Variants in DLG5 observed in about 807,000 individuals in gnomAD.
DLG5 encodes the protein disks large homolog 5.
Under a neutral mutation model 189.8 loss-of-function variants are expected in DLG5, and 48 were observed. That is an observed-to-expected ratio of 0.25 (90% CI 0.20 to 0.32). The LOEUF (loss-of-function observed/expected upper bound fraction) is 0.32, where lower values mean the gene tolerates loss of function less well. DLG5 is among the 10% of genes least tolerant of loss of function. The probability of loss-of-function intolerance (pLI) is 1.00; values close to 1 mark genes in which losing one functional copy is unlikely to be tolerated. For missense variants in DLG5, 2,160 were observed against 2,544.7 expected (o/e 0.85, Z 3.25); for synonymous variants, 1,016 against 1,054.1 (o/e 0.96, Z 0.70).
Position 77,821,867 on chromosome 10 carries a change from G to C in DLG5, c.2617C>G (p.Pro873Ala), listed in dbSNP as rs1842382459. Residue 873 changes from proline to alanine, a missense_variant, in exon 15 of 32, where the codon CCT (proline) becomes GCT (alanine). Around this residue, in one of 5 missense-constraint regions of DLG5, gnomAD observed 754 missense variants for 746.5 expected, o/e 1.01. Coordinates refer to ENST00000372391, the MANE Select transcript of DLG5 (RefSeq NM_004747.4). Reference protein sequence around the residue: ...GSSSFLHKPFPGGPLQVCPQA... With the variant: ...GSSSFLHKPFAGGPLQVCPQA... ...GGGCAGACCTGCAAGGGTCCCCCAG[G>C]GAATGGCTTATGCAGAAAGGAGCTG... The C allele has an allele frequency of 6.8e-6, 11 of 1,614,092 alleles. No homozygotes were observed. Among genetic ancestry groups the C allele is most frequent in the Non-Finnish European group, 9.3e-6 (11 of 1,179,960 alleles).
chr10:77,801,493 G>A lies in DLG5; in HGVS notation c.5164+4172C>T, dbSNP rs1408917711. Among the ~76,000 whole-genome samples the A allele has an allele frequency of 5.9e-5, 9 of 152,112 alleles. No individual in the cohort carries two copies. The South Asian group carries it at 1.0e-3, about 18-fold the overall frequency. On this transcript the variant is annotated intron_variant, in intron 27 of 31. Coordinates refer to ENST00000372391, the MANE Select transcript of DLG5 (RefSeq NM_004747.4). The stretch of plus-strand genomic sequence containing the variant: ...GGTATTGTCGAAGAACAAAAACCCC[G>A]AGGAGAGGCAAGGTCAGCACAGAAG...
chr10:77,882,340 A>T (rs987367419), intron 1 of DLG5, among the ~76,000 whole-genome samples: 1 of 152,210 alleles, frequency 6.6e-6, no homozygotes, highest in African/African-American at 2.4e-5. Flanking sequence ...GTCTTTATAC[A>T]GTCAGTATTT....
In DLG5 at chr10:77,860,579, G is replaced by C. The variant is rs112653754; in HGVS notation, c.374-3687C>G. Among the ~76,000 whole-genome samples the C allele has an allele frequency of 4.8e-3, 725 of 152,286 alleles. 8 individuals are homozygous for C. Among genetic ancestry groups the C allele is most frequent in the African/African-American group, 0.016 (671 of 41,552 alleles). ...GCCTCCCAAAGTGCTGGGATTACAG[G>C]CGTGAGGCACTGCACCCGGCCATGC... On this transcript the variant is annotated intron_variant, in intron 2 of 31. Transcript: ENST00000372391.
chr10:77,798,724 G>A (rs1031586868), intron 27 of DLG5, among the ~76,000 whole-genome samples: 2 of 152,108 alleles, frequency 1.3e-5, no homozygotes, highest in African/African-American at 2.4e-5. Context: ...ATTCTGGATC[G>A]ACTTATCCAC....
At chr10:77,792,648 T>G in intron 31 of DLG5, 105 bp from the exon 32 acceptor site, 1 of 1,060,400 alleles carries the variant, frequency 9.4e-7, no homozygotes, top group Non-Finnish European at 1.4e-6. Context: ...CTGTCTGCTT[T>G]GTGCTCCTTG....
rs1279376644 is a variant in DLG5, at chr10:77,821,640, G to A, written c.2844C>T (p.Pro948=). Reference sequence around the variant, plus strand: ...CTGCCGTGGAGCTGAGCATGGCCTTGGGCCAGGTCCCGCCGCTGTTGGAGC... The same window carrying A: ...CTGCCGTGGAGCTGAGCATGGCCTTAGGCCAGGTCCCGCCGCTGTTGGAGC... The part of the protein sequence containing the change: ...SEGSNSGGTW[P]KAMLSSTAVP... Residue 948 remains proline (P), a synonymous_variant, in exon 15 of 32, where the codon CCC becomes CCT. Coordinates refer to ENST00000372391, the MANE Select transcript of DLG5 (RefSeq NM_004747.4). 2 of 1,612,502 alleles carry A rather than the reference G, an allele frequency of 1.2e-6. No individual in the cohort carries two copies.
chr10:77,932,454 T>C, the DLG5 span, among the ~76,000 whole-genome samples: 2 of 152,126 alleles, frequency 1.3e-5, no homozygotes, highest in Non-Finnish European at 2.9e-5. Flanking sequence ...GAGGCCCTAC[T>C]TCAAAATAAT....
At chr10:77,831,634 A>G (rs916068885) in intron 9 of DLG5, among the ~76,000 whole-genome samples, 2 of 152,198 alleles carry the variant, frequency 1.3e-5, no homozygotes, top group Non-Finnish European at 2.9e-5. Flanking sequence ...GTAGAACAGA[A>G]TAAGGAACCT....
intron 9 of DLG5, among the ~76,000 whole-genome samples, chr10:77,831,370 G>A (rs938847020): frequency 6.6e-6 from 1 of 151,966 alleles, no homozygotes; most frequent in African/African-American, 2.4e-5. Context: ...CTGCACTCCA[G>A]CCTGGCGACA....
intron 20 of DLG5, among the ~76,000 whole-genome samples, 169 bp from the exon 21 acceptor site, chr10:77,812,546 A>G (rs114825724): frequency 0.013 from 1,925 of 152,306 alleles, 53 homozygotes; most frequent in African/African-American, 0.044. Flanking sequence ...CCCCTGTGTG[A>G]CAAACGATCA....
intron 7 of DLG5, among the ~76,000 whole-genome samples, chr10:77,838,048 T>C (rs1233981275): frequency 6.6e-6 from 1 of 152,096 alleles, no homozygotes; most frequent in Non-Finnish European, 1.5e-5. Flanking sequence ...CTGGGAAGCT[T>C]CTCTTGCTAC....
Position 77,807,814 on chromosome 10 carries a change from C to G in DLG5, c.4778G>C (p.Gly1593Ala). The part of the protein sequence containing the change: ...EEFTKAKGLP[G>A]DSFYIRALYD... ...CTGGTACCTGATGTAGAAGCTGTCA[C>G]CAGGCAGGCCCTTGGCCTTCGTGAA... The change falls in exon 25 of 32, where the codon GGT becomes GCT. Residue 1593 changes from glycine to alanine, a missense_variant. Gly to Ala is a moderately conservative substitution (Grantham distance 60, BLOSUM62 0). Coordinates refer to ENST00000372391, the MANE Select transcript of DLG5 (RefSeq NM_004747.4). 1.9e-6 allele frequency: 3 copies of G among 1,613,804 alleles called. No individual in the cohort carries two copies. Among genetic ancestry groups the G allele is most frequent in the Non-Finnish European group, 2.5e-6 (3 of 1,179,810 alleles).
In DLG5 at chr10:77,916,904, A is replaced by AATATATATATATATATATATATATAT. The variant is rs55841913; in HGVS notation, c.304+9312_304+9313insATATATATATATATATATATATATAT. 4.9e-3 allele frequency among the ~76,000 whole-genome samples: 630 copies of AATATATATATATATATATATATATAT among 128,680 alleles called. 14 individuals are homozygous for AATATATATATATATATATATATATAT. The highest frequency in any genetic ancestry group is 0.018 in the African/African-American group (563 of 31,932). 84.4% of individuals were successfully genotyped at this position (128,680 alleles called of 152,430 possible). ...AGGTAAAGAAACAAATAAAATATAGAATATATATATATATATATATATGAA... is the reference window on the plus strand; with the variant it reads ...AGGTAAAGAAACAAATAAAATATAGAATATATATATATATATATATATATATATATATATATATATATATATATGAA... On this transcript the variant is annotated intron_variant, in intron 1 of 31. Coordinates refer to ENST00000372391, the MANE Select transcript of DLG5 (RefSeq NM_004747.4).
intron 26 of DLG5, 28 bp from the exon 27 acceptor site, chr10:77,805,889 G>C: frequency 6.3e-7 from 1 of 1,588,638 alleles, no homozygotes. Flanking sequence ...ATGCTGGGCA[G>C]GGCCATCGAG....
intron 7 of DLG5, among the ~76,000 whole-genome samples, chr10:77,838,133 C>T (rs921883087): frequency 4.6e-5 from 7 of 152,198 alleles, no homozygotes; most frequent in Non-Finnish European, 8.8e-5. Context: ...CCAGTCTATC[C>T]ACCACAGCTG....
At chr10:77,855,833 C>A (rs373440325) in intron 3 of DLG5, among the ~76,000 whole-genome samples, 1 of 152,228 alleles carries the variant, frequency 6.6e-6, no homozygotes, top group Non-Finnish European at 1.5e-5. Flanking sequence ...CCCCCCTCCC[C>A]TCCAGACCTC....
intron 1 of DLG5, among the ~76,000 whole-genome samples, chr10:77,905,483 A>G (rs747976001): frequency 3.3e-5 from 5 of 152,158 alleles, no homozygotes; most frequent in Admixed American, 6.6e-5. Context: ...TCTTCCTTCC[A>G]CAATCACCTA....
At chr10:77,830,451 C>A in intron 10 of DLG5, 107 bp from the exon 11 acceptor site, 1 of 1,520,172 alleles carries the variant, frequency 6.6e-7, no homozygotes, top group Non-Finnish European at 8.9e-7. Flanking sequence ...TGTCCCTTCA[C>A]CTCATCTGAT....
At chr10:77,910,676 C>G (rs1271421) in intron 1 of DLG5, among the ~76,000 whole-genome samples, 47,236 of 152,092 alleles carry the variant, frequency 0.31, 7,932 homozygotes, top group Admixed American at 0.44. Flanking sequence ...ATCATAGGCT[C>G]CTTAAGAAAT....
Sources: gnomAD v4.1 joint callset for allele counts (sites outside exome capture counted in the v4.1 genomes callset) on GRCh38, gnomAD v4.1.1 for gene constraint, gnomAD v4.1.1 regional missense constraint, MANE v1.5 for transcripts, NCBI Gene and HGNC (gene_info 2026-07-23, HGNC 2026-07-21) for gene names.